The following TMEM72 variants were observed in gnomAD, a reference collection of about 807,000 sequenced individuals.
TMEM72 encodes the protein transmembrane protein 72.
Under a neutral mutation model 16.3 loss-of-function variants are expected in TMEM72, and 9 were observed. The ratio of observed to expected loss-of-function variants is 0.55; its 90% CI spans 0.33 to 0.96. The LOEUF (loss-of-function observed/expected upper bound fraction) is 0.96, where lower values mean the gene tolerates loss of function less well. TMEM72 is among the 40% of genes least tolerant of loss of function. The probability of loss-of-function intolerance (pLI) is 0.03; values close to 1 mark genes in which losing one functional copy is unlikely to be tolerated. For synonymous variants in TMEM72, 160 were observed against 146.5 expected (o/e 1.09, Z -0.66); for missense variants, 324 against 337.8 (o/e 0.96, Z 0.32).
intron 1 of TMEM72, among the ~76,000 whole-genome samples, chr10:44,926,025 TCACA>T (rs59066381): frequency 0.028 from 4,040 of 146,372 alleles, 154 homozygotes; most frequent in African/African-American, 0.09. Flanking sequence ...ACACATACAC[TCACA>T]CACACACACT....
chr10:44,922,969 G>T (rs541955423), intron 1 of TMEM72: 6 of 152,356 alleles, frequency 3.9e-5, no homozygotes, highest in African/African-American at 1.4e-4. Context: ...AACCTTGCAT[G>T]GCTGCATAAC....
At chr10:44,913,886 C>T (rs1466404464) in intron 1 of TMEM72, among the ~76,000 whole-genome samples, 3 of 152,176 alleles carry the variant, frequency 2.0e-5, no homozygotes, top group Non-Finnish European at 2.9e-5. Context: ...TAGAGGGCCT[C>T]ACTTTGCAGA....
intron 2 of TMEM72, chr10:44,931,756 C>T (rs895238090): frequency 1.9e-6 from 1 of 534,206 alleles, no homozygotes; most frequent in Non-Finnish European, 3.4e-6. Context: ...GGCCATGTCA[C>T]CTGCTGGCCA....
At chr10:44,913,546 A>G (rs1444319736) in intron 1 of TMEM72, among the ~76,000 whole-genome samples, 1 of 152,062 alleles carries the variant, frequency 6.6e-6, no homozygotes, top group Non-Finnish European at 1.5e-5. Context: ...GACTGCTGTT[A>G]ATGCTGAGAA....
chr10:44,933,587 C>A, intron 3 of TMEM72, 50 bp from the exon 4 acceptor site: 1 of 1,579,224 alleles, frequency 6.3e-7, no homozygotes, highest in South Asian at 1.2e-5. Context: ...TCCAGTCTTG[C>A]TGGGGTTTTC....
At chr10:44,932,485 G>C (rs188482967) in intron 3 of TMEM72, among the ~76,000 whole-genome samples, 1 of 152,334 alleles carries the variant, frequency 6.6e-6, no homozygotes, top group East Asian at 1.9e-4. Flanking sequence ...CCGGGGGCAA[G>C]TCAGGGGCAG....
At chr10:44,913,477 CAA>C (rs1839967476) in intron 1 of TMEM72, among the ~76,000 whole-genome samples, 1 of 151,786 alleles carries the variant, frequency 6.6e-6, no homozygotes, top group African/African-American at 2.4e-5. Flanking sequence ...CACACACACA[CAA>C]ACCCGTGCGC....
intron 1 of TMEM72, among the ~76,000 whole-genome samples, chr10:44,914,801 A>G (rs1297959355): frequency 6.6e-6 from 1 of 152,190 alleles, no homozygotes; most frequent in Non-Finnish European, 1.5e-5. Context: ...GTGAGATGAG[A>G]AAGGACCTGT....
At chr10:44,931,404 G>T (rs1365300102) in intron 2 of TMEM72, among the ~76,000 whole-genome samples, 2 of 152,192 alleles carry the variant, frequency 1.3e-5, no homozygotes, top group African/African-American at 4.8e-5. Context: ...GTATCAGGAG[G>T]AACATGATCA....
intron 1 of TMEM72, among the ~76,000 whole-genome samples, chr10:44,926,953 G>T (rs1284630316): frequency 6.6e-6 from 1 of 152,128 alleles, no homozygotes; most frequent in South Asian, 2.1e-4. Context: ...CCAGGGAAGA[G>T]GAAGCACCAG....
In TMEM72 at chr10:44,911,580, C is replaced by T. The variant is rs1408457627; in HGVS notation, c.68C>T (p.Ala23Val). ...TCRLLGITTA[A>V]VLIGVGTETF... ...CGGCTCCTGGGCATCACCACTGCTG[C>T]AGGTAAGACCCTGCCTCCTGGCTGC... Residue 23 changes from alanine to valine, a missense_variant and splice_region_variant, in exon 1 of 5, where the codon GCA (alanine) becomes GTA (valine). Physicochemically the swap from Ala to Val is moderately conservative, Grantham distance 64. Transcript: ENST00000389583. 2 of 1,550,310 alleles carry T rather than the reference C, an allele frequency of 1.3e-6. No individual in the cohort carries two copies. Among genetic ancestry groups the T allele is most frequent in the African/African-American group, 1.4e-5 (1 of 73,140 alleles).
intron 1 of TMEM72, among the ~76,000 whole-genome samples, chr10:44,918,391 G>A (rs1261963523): frequency 6.6e-6 from 1 of 152,042 alleles, no homozygotes; most frequent in Non-Finnish European, 1.5e-5. Context: ...GGCCTCACAG[G>A]TGAATTCTAC....
At chr10:44,920,994 A>T (rs779529084) in intron 1 of TMEM72, among the ~76,000 whole-genome samples, 9 of 152,216 alleles carry the variant, frequency 5.9e-5, no homozygotes, top group Non-Finnish European at 8.8e-5. Flanking sequence ...GCTGTACCAC[A>T]GGCTCTTGGC....
chr10:44,933,678 C>A lies in TMEM72; in HGVS notation c.251C>A (p.Ala84Asp). The change falls in exon 4 of 5, where the codon GCC (alanine) becomes GAC (aspartate). Residue 84 changes from alanine to aspartate, a missense_variant. Ala to Asp is a moderately radical substitution (Grantham distance 126). Coordinates refer to ENST00000389583, the MANE Select transcript of TMEM72 (RefSeq NM_001123376.3). ...GSLADRVREKAHWLGCFQKFL... is the reference protein window; with the variant it reads ...GSLADRVREKDHWLGCFQKFL... ...CTGGCAGACAGAGTAAGGGAGAAAG[C>A]CCACTGGCTGGGCTGCTTCCAGAAG... 6.2e-7 allele frequency: 1 copy of A among 1,614,114 alleles called. No individual in the cohort carries two copies. The highest frequency in any genetic ancestry group is 1.1e-5 in the South Asian group (1 of 91,084).
At chr10:44,931,251 G>A (rs1025653993) in intron 2 of TMEM72, among the ~76,000 whole-genome samples, 14 of 152,228 alleles carry the variant, frequency 9.2e-5, no homozygotes, top group Non-Finnish European at 1.2e-4. Flanking sequence ...GAGACCCTCC[G>A]TAAGTACATA....
At chr10:44,918,036 G>A (rs572551501) in intron 1 of TMEM72, among the ~76,000 whole-genome samples, 1 of 152,260 alleles carries the variant, frequency 6.6e-6, no homozygotes, top group African/African-American at 2.4e-5. Flanking sequence ...AGAAGGCCAG[G>A]AGGAGCAAGT....
intron 1 of TMEM72, among the ~76,000 whole-genome samples, chr10:44,923,470 C>A (rs80194858): frequency 1.4e-3 from 207 of 152,308 alleles, no homozygotes; most frequent in African/African-American, 4.8e-3. Flanking sequence ...TCTCACTCCT[C>A]AGGGATTAGC....
chr10:44,926,494 G>A (rs1840195549), intron 1 of TMEM72, among the ~76,000 whole-genome samples: 1 of 152,230 alleles, frequency 6.6e-6, no homozygotes, highest in Non-Finnish European at 1.5e-5. Context: ...TGCTCTGTAA[G>A]TTTTGACTCT....
intron 1 of TMEM72, among the ~76,000 whole-genome samples, chr10:44,916,040 G>C (rs887768585): frequency 6.6e-6 from 1 of 152,168 alleles, no homozygotes; most frequent in Non-Finnish European, 1.5e-5. Context: ...TTTTACAAAT[G>C]AGGAAACTGA....
Sources: allele counts gnomAD v4.1 joint callset (sites outside exome capture counted in the v4.1 genomes callset), GRCh38; gene constraint gnomAD v4.1.1; transcripts MANE v1.5; gene names NCBI Gene and HGNC (gene_info 2026-07-23, HGNC 2026-07-21).